ITGA9: variants seen among roughly 807,000 people sequenced by gnomAD.
The protein encoded by ITGA9 is integrin subunit alpha 9.
Under a neutral mutation model 127.8 loss-of-function variants are expected in ITGA9, and 56 were observed. The ratio of observed to expected loss-of-function variants is 0.44; its 90% CI spans 0.35 to 0.55. The LOEUF is 0.55. Among genes scored for constraint, ITGA9 ranks in the 20% least tolerant of loss-of-function variants. The pLI is 0.00. For missense variants in ITGA9, 1,196 were observed against 1,347.1 expected (o/e 0.89, Z 1.76); for synonymous variants, 508 against 514.5 (o/e 0.99, Z 0.17).
At chr3:37,800,600 T>C (rs1697225566) in intron 26 of ITGA9, among the ~76,000 whole-genome samples, 1 of 152,198 alleles carries the variant, frequency 6.6e-6, no homozygotes, top group Admixed American at 6.5e-5. Flanking sequence ...GAGCTGCTCA[T>C]TTGAACTAGA....
intron 26 of ITGA9, among the ~76,000 whole-genome samples, chr3:37,788,913 C>T (rs529737801): frequency 1.3e-5 from 2 of 152,106 alleles, no homozygotes; most frequent in African/African-American, 2.4e-5. Flanking sequence ...ACGGGACTTA[C>T]CTGTTTGTTT....
intron 15 of ITGA9, among the ~76,000 whole-genome samples, chr3:37,562,629 C>G (rs1368991820): frequency 6.6e-6 from 1 of 152,174 alleles, no homozygotes; most frequent in East Asian, 1.9e-4. Flanking sequence ...TCAGTATAAT[C>G]CTACCTCTTG....
At chr3:37,625,597 G>A (rs1048230050) in intron 15 of ITGA9, among the ~76,000 whole-genome samples, 7 of 152,124 alleles carry the variant, frequency 4.6e-5, no homozygotes, top group Admixed American at 2.0e-4. Flanking sequence ...AGAATTTTCA[G>A]TTTGTAGCGT....
intron 27 of ITGA9, among the ~76,000 whole-genome samples, chr3:37,817,684 C>T (rs925092196): frequency 1.3e-5 from 2 of 152,226 alleles, no homozygotes; most frequent in South Asian, 2.1e-4. Flanking sequence ...GAGCCAAGGA[C>T]GAGAGATGCC....
chr3:37,638,651 A>C (rs1410258627), intron 16 of ITGA9, among the ~76,000 whole-genome samples: 1 of 152,180 alleles, frequency 6.6e-6, no homozygotes, highest in Non-Finnish European at 1.5e-5. Flanking sequence ...TCATGTTGCC[A>C]GATAACATTA....
chr3:37,605,590 A>G (rs1699960471), intron 15 of ITGA9, among the ~76,000 whole-genome samples: 1 of 152,150 alleles, frequency 6.6e-6, no homozygotes, highest in South Asian at 2.1e-4. Context: ...AAATGAGGAC[A>G]AGTATTTTCT....
intron 3 of ITGA9, among the ~76,000 whole-genome samples, chr3:37,477,738 C>G (rs1397919230): frequency 1.3e-5 from 2 of 152,228 alleles, no homozygotes; most frequent in African/African-American, 2.4e-5. Context: ...GAGGACAACT[C>G]AAAATGTTCA....
At chr3:37,506,162 C>A in intron 7 of ITGA9, 77 bp downstream of exon 7, 1 of 1,096,036 alleles carries the variant, frequency 9.1e-7, no homozygotes, top group Non-Finnish European at 1.4e-6. Context: ...AGAGGTTTGC[C>A]AGCTGACATT....
chr3:37,557,054 T>A (rs1699438036), intron 15 of ITGA9, among the ~76,000 whole-genome samples: 1 of 152,206 alleles, frequency 6.6e-6, no homozygotes, highest in Middle Eastern at 3.2e-3. Context: ...GCAGTTTTTT[T>A]AAACTTCACT....
At chr3:37,713,116 G>A (rs1701096844) in intron 18 of ITGA9, among the ~76,000 whole-genome samples, 1 of 152,152 alleles carries the variant, frequency 6.6e-6, no homozygotes, top group Non-Finnish European at 1.5e-5. Context: ...AGCAGCTCTG[G>A]AAGTGACTGG....
chr3:37,551,893 CG>C (rs1265109984), intron 15 of ITGA9, among the ~76,000 whole-genome samples: 2 of 152,234 alleles, frequency 1.3e-5, no homozygotes, highest in African/African-American at 4.8e-5. Context: ...TGAATGAAGA[CG>C]GATGAGCCGT....
intron 15 of ITGA9, among the ~76,000 whole-genome samples, chr3:37,564,898 A>G (rs1184729763): frequency 6.6e-6 from 1 of 152,188 alleles, no homozygotes; most frequent in Non-Finnish European, 1.5e-5. Context: ...AACCCTTAGG[A>G]AAGGAGTAGA....
chr3:37,790,264 A>G (rs1697092185), intron 26 of ITGA9: 1 of 546,538 alleles, frequency 1.8e-6, no homozygotes, highest in Non-Finnish European at 3.7e-6. Context: ...AAATGGCAGC[A>G]GCTTGTCATC....
In ITGA9 at chr3:37,695,167, A is replaced by G. The variant is rs536842207; in HGVS notation, c.2067+11152A>G. On this transcript the variant is annotated intron_variant, in intron 18 of 27. Transcript: ENST00000264741. The stretch of plus-strand genomic sequence containing the variant: ...ATTGGTTAAGGGCCACTTAGGGAGG[A>G]ATAAGTGGTAGAAAGTGGTCCTAGG... 2.1e-3 allele frequency among the ~76,000 whole-genome samples: 317 copies of G among 152,218 alleles called. 2 individuals are homozygous for G. Among genetic ancestry groups the G allele is most frequent in the African/African-American group, 7.3e-3 (302 of 41,544 alleles).
chr3:37,653,752 C>T lies in ITGA9; in HGVS notation c.1878C>T (p.Ala626=), dbSNP rs370220124. ...GGAATTGCCGTTCAGAGGACTGTGC[C>T]GCAGACCTGCAGCTTCAGGGTAAAC... ...FERNCRSEDC[A]ADLQLQGKLL... Residue 626 remains alanine, a synonymous_variant, in exon 17 of 28, where the codon GCC becomes GCT. Transcript: ENST00000264741. 17 of 1,613,880 alleles carry T rather than the reference C, an allele frequency of 1.1e-5. No homozygotes were observed. The highest frequency in any genetic ancestry group is 5.5e-5 in the South Asian group (5 of 91,072).
At chr3:37,812,750 T>C (rs906001419) in intron 27 of ITGA9, among the ~76,000 whole-genome samples, 4 of 152,274 alleles carry the variant, frequency 2.6e-5, no homozygotes, top group African/African-American at 9.6e-5. Context: ...TCTATGTTTC[T>C]TCTGCTACAG....
At chr3:37,534,276 G>C (rs1004000020) in intron 14 of ITGA9, among the ~76,000 whole-genome samples, 3 of 152,208 alleles carry the variant, frequency 2.0e-5, no homozygotes, top group Non-Finnish European at 4.4e-5. Context: ...TGAACCTACT[G>C]ACGTTCTTAG....
At chr3:37,469,471 C>T (rs1163228821) in intron 1 of ITGA9, among the ~76,000 whole-genome samples, 1 of 152,142 alleles carries the variant, frequency 6.6e-6, no homozygotes, top group African/African-American at 2.4e-5. Context: ...AAATGTAACA[C>T]ATCCAGGAAA....
At chr3:37,550,636 CATAGATG>C (rs1256229497) in intron 15 of ITGA9, among the ~76,000 whole-genome samples, 3 of 152,156 alleles carry the variant, frequency 2.0e-5, no homozygotes, top group African/African-American at 4.8e-5. Flanking sequence ...TCTTTAAGAG[CATAGATG>C]ATAGTAAAGT....
Sources: gnomAD v4.1 joint callset for allele counts (sites outside exome capture counted in the v4.1 genomes callset) on GRCh38, gnomAD v4.1.1 for gene constraint, MANE v1.5 for transcripts, NCBI Gene and HGNC (gene_info 2026-07-23, HGNC 2026-07-21) for gene names.